Variants in FHL5 observed in about 807,000 individuals in gnomAD.
FHL5 encodes the protein four and a half LIM domains protein 5.
A neutral mutation model predicts 32.0 loss-of-function variants in FHL5; 33 were observed. That is an observed-to-expected ratio of 1.03 (90% CI 0.78 to 1.38). The LOEUF (loss-of-function observed/expected upper bound fraction) is 1.38, where lower values mean the gene tolerates loss of function less well. FHL5 is among the 40% of genes most tolerant of loss of function. The pLI, the probability that FHL5 is intolerant of heterozygous loss-of-function variation, is 0.00. For synonymous variants in FHL5, 114 were observed against 113.6 expected (o/e 1.00, Z -0.02); for missense variants, 336 against 343.9 (o/e 0.98, Z 0.18).
chr6:96,601,382 G>C (rs1279814776), intron 1 of FHL5, among the ~76,000 whole-genome samples: 1 of 152,078 alleles, frequency 6.6e-6, no homozygotes, highest in East Asian at 1.9e-4. Flanking sequence ...TATATTGTAA[G>C]GCATTTTCTG....
intron 1 of FHL5, among the ~76,000 whole-genome samples, chr6:96,599,141 C>T (rs142333431): frequency 2.8e-3 from 432 of 151,704 alleles, no homozygotes; most frequent in African/African-American, 9.9e-3. Flanking sequence ...AAAATAGCAC[C>T]TAAGAAATAA....
rs1352543862 is a variant in FHL5, at chr6:96,616,538, G to T, written c.*766G>T. On this transcript the variant is annotated 3_prime_UTR_variant, in exon 6 of 6. Transcript: ENST00000450218. The stretch of plus-strand genomic sequence containing the variant: ...ACAGTGATTTTTCTAAACGCTTACA[G>T]ATTCCATGAAATAAAAGTCTATTCT... 3 of 152,198 alleles carry T rather than the reference G, an allele frequency of 2.0e-5. No individual in the cohort carries two copies. The highest frequency in any genetic ancestry group is 4.4e-5 in the Non-Finnish European group (3 of 68,032). 9.4% of individuals were successfully genotyped at this position (152,198 alleles called of 1,614,324 possible).
chr6:96,594,991 T>C (rs538685011), intron 1 of FHL5, among the ~76,000 whole-genome samples: 2 of 152,142 alleles, frequency 1.3e-5, no homozygotes, highest in South Asian at 2.1e-4. Context: ...CAAATTATTA[T>C]TGTTTTTTCA....
chr6:96,609,088 A>G (rs972348194), intron 4 of FHL5, among the ~76,000 whole-genome samples: 1 of 152,210 alleles, frequency 6.6e-6, no homozygotes, highest in African/African-American at 2.4e-5. Context: ...CTTATTCAGA[A>G]TAGTATGCTT....
chr6:96,602,426 C>CTTTTTTTTTTTTTTTTTTTTTTTTT (rs1168636713), intron 1 of FHL5, among the ~76,000 whole-genome samples: 1 of 33,704 alleles, frequency 3.0e-5, no homozygotes, highest in Admixed American at 4.2e-4. Flanking sequence ...TGCGTTGTTT[C>CTTTTTTTTTTTTTTTTTTTTTTTTT]TTTTTTTTTT....
intron 1 of FHL5, among the ~76,000 whole-genome samples, chr6:96,571,544 G>A (rs1770478804): frequency 6.6e-6 from 1 of 152,170 alleles, no homozygotes; most frequent in East Asian, 1.9e-4. Context: ...AGCTATTGAG[G>A]CAACTGGGCT....
At chr6:96,604,600 T>C in intron 2 of FHL5, 150 bp from the exon 3 acceptor site, 1 of 520,802 alleles carries the variant, frequency 1.9e-6, no homozygotes, top group East Asian at 3.3e-5. Flanking sequence ...GAGTCTCCTC[T>C]CTATGGGTAA....
intron 1 of FHL5, among the ~76,000 whole-genome samples, chr6:96,575,295 A>G (rs1300604064): frequency 1.3e-5 from 2 of 152,230 alleles, no homozygotes; most frequent in Admixed American, 6.5e-5. Context: ...TTAATCATGT[A>G]TATCTCCTTT....
intron 1 of FHL5, among the ~76,000 whole-genome samples, chr6:96,591,875 G>A (rs193281830): frequency 4.6e-5 from 7 of 152,180 alleles, no homozygotes; most frequent in Admixed American, 1.3e-4. Flanking sequence ...GATAGGTTCC[G>A]TGATGTCCCC....
In FHL5 at chr6:96,603,536, G is replaced by T. The variant is rs574931112; in HGVS notation, c.-12-66G>T. The T allele has an allele frequency of 7.8e-6, 9 of 1,159,230 alleles. No individual in the cohort carries two copies. The South Asian group carries it at 8.1e-5, about 10-fold the overall frequency. The allele number at this position is 1,159,230 out of a possible 1,614,324, so 71.8% of individuals were successfully genotyped here. On this transcript the variant is annotated intron_variant, in intron 1 of 5. Transcript: ENST00000450218. ...AATGCTTCACTCACATTATATTAAG[G>T]TTTCATCATTTATCCTATAAACAAA...
At chr6:96,569,967 G>T (rs1390769060) in intron 1 of FHL5, among the ~76,000 whole-genome samples, 1 of 151,396 alleles carries the variant, frequency 6.6e-6, no homozygotes, top group African/African-American at 2.4e-5. Context: ...TATATCTTTT[G>T]TTCCTTTCTT....
rs910761538 is a variant in FHL5 at position 96,579,073 on chromosome 6, A to C, written c.-13+15718A>C. 3.3e-5 allele frequency among the ~76,000 whole-genome samples: 5 copies of C among 152,186 alleles called. No homozygotes were observed. The East Asian group carries it at 9.6e-4, about 29-fold the overall frequency. ...TTCTAGTTCTTGAATTCTATGATAA[A>C]GAACGGGAGACTCAAGTGGAATAAG... On this transcript the variant is annotated intron_variant, in intron 1 of 5. Coordinates refer to ENST00000450218, the MANE Select transcript of FHL5 (RefSeq NM_001322466.2).
chr6:96,568,372 T>C (rs1770405941), intron 1 of FHL5, among the ~76,000 whole-genome samples: 1 of 151,916 alleles, frequency 6.6e-6, no homozygotes, highest in African/African-American at 2.4e-5. Context: ...AAGTATTTTG[T>C]TGAGGATTTT....
At chr6:96,615,481 T>C (rs1435531746) in intron 5 of FHL5, 128 bp from the exon 6 acceptor site, 5 of 628,980 alleles carry the variant, frequency 7.9e-6, no homozygotes, top group Non-Finnish European at 1.2e-5. Flanking sequence ...AGCATTCTTT[T>C]TTGGGTTATT....
At chr6:96,583,292 C>T (rs1011159519) in intron 1 of FHL5, among the ~76,000 whole-genome samples, 5 of 152,096 alleles carry the variant, frequency 3.3e-5, no homozygotes, top group East Asian at 1.9e-4. Flanking sequence ...TTTTAAAATA[C>T]GTGAATTTTA....
At chr6:96,614,222 T>A (rs371945109) in intron 5 of FHL5, among the ~76,000 whole-genome samples, 4 of 150,144 alleles carry the variant, frequency 2.7e-5, no homozygotes, top group East Asian at 1.9e-4. Flanking sequence ...CTCATGAGCA[T>A]CAAAATGCTA....
intron 1 of FHL5, among the ~76,000 whole-genome samples, chr6:96,568,369 TTG>T (rs1770405863): frequency 6.6e-6 from 1 of 151,920 alleles, no homozygotes; most frequent in Non-Finnish European, 1.5e-5. Flanking sequence ...CACAAGTATT[TTG>T]TTGAGGATTT....
chr6:96,586,574 A>G (rs1770801393), intron 1 of FHL5, among the ~76,000 whole-genome samples: 1 of 152,214 alleles, frequency 6.6e-6, no homozygotes, highest in African/African-American at 2.4e-5. Flanking sequence ...GATAATAGGG[A>G]CAATGCCCCA....
chr6:96,586,681 G>A (rs556109445), intron 1 of FHL5, among the ~76,000 whole-genome samples: 10 of 152,276 alleles, frequency 6.6e-5, no homozygotes, highest in African/African-American at 2.4e-4. Flanking sequence ...ACATAAATTT[G>A]CAAGGAAAAA....
Sources: gnomAD v4.1 joint callset for allele counts (sites outside exome capture counted in the v4.1 genomes callset) on GRCh38, gnomAD v4.1.1 for gene constraint, MANE v1.5 for transcripts, NCBI Gene and HGNC (gene_info 2026-07-23, HGNC 2026-07-21) for gene names.